The following DOCK4 variants were observed in gnomAD, a reference collection of about 807,000 sequenced individuals.
DOCK4 encodes dedicator of cytokinesis 4.
A neutral mutation model predicts 268.1 loss-of-function variants in DOCK4; 97 were observed. The observed-to-expected ratio is 0.36, with a 90% CI of 0.31 to 0.43. The LOEUF is 0.43. DOCK4 is among the 20% of genes least tolerant of loss of function. The pLI, the probability that DOCK4 is intolerant of heterozygous loss-of-function variation, is 1.00. For synonymous variants in DOCK4, 954 were observed against 887.2 expected (o/e 1.08, Z -1.34); for missense variants, 2,145 against 2,455.7 (o/e 0.87, Z 2.67).
At chr7:111,788,998 C>A in intron 31 of DOCK4, 2 of 524,578 alleles carry the variant, frequency 3.8e-6, no homozygotes, top group Non-Finnish European at 6.9e-6. Flanking sequence ...TTTGTTGATT[C>A]AAACACAAAT....
intron 13 of DOCK4, among the ~76,000 whole-genome samples, chr7:111,913,470 C>T (rs1473671552): frequency 1.8e-4 from 26 of 146,892 alleles, no homozygotes; most frequent in Non-Finnish European, 3.7e-4. Context: ...AGTGCAGTGG[C>T]GCGATCTCCG....
intron 23 of DOCK4, among the ~76,000 whole-genome samples, chr7:111,849,406 G>A (rs183055354): frequency 6.6e-6 from 1 of 151,978 alleles, no homozygotes; most frequent in African/African-American, 2.4e-5. Flanking sequence ...GGGACTACAT[G>A]CACGTGCCAT....
chr7:111,900,093 G>A (rs1586309766), intron 15 of DOCK4, among the ~76,000 whole-genome samples: 1 of 152,142 alleles, frequency 6.6e-6, no homozygotes, highest in East Asian at 1.9e-4. Flanking sequence ...CTTTCCCAGT[G>A]GCTTCACATG....
chr7:111,788,705 C>T lies in DOCK4; in HGVS notation c.3358G>A (p.Glu1120Lys), dbSNP rs1799339086. 3 of 1,594,218 alleles carry T rather than the reference C, an allele frequency of 1.9e-6. No homozygotes were observed. Among genetic ancestry groups the T allele is most frequent in the South Asian group, 1.1e-5 (1 of 87,782 alleles). ...CGGTATGTTTCGTCACCTTTGCCTT[C>T]TGACATCAGGCTATCCAGTTTGTCA... is the stretch of plus-strand genomic sequence containing the variant. Reference protein sequence around the residue: ...LIDKLDSLMSEGKGDETYREL... With the variant: ...LIDKLDSLMSKGKGDETYREL... Residue 1120 changes from glutamate to lysine, a missense_variant, in exon 32 of 53, where the codon GAA becomes AAA. Glu to Lys is a moderately conservative substitution (Grantham distance 56, BLOSUM62 1). Coordinates refer to ENST00000428084, the MANE Select transcript of DOCK4 (RefSeq NM_001363540.2).
intron 52 of DOCK4, among the ~76,000 whole-genome samples, chr7:111,730,573 T>C (rs1290308889): frequency 6.6e-6 from 1 of 152,036 alleles, no homozygotes; most frequent in East Asian, 1.9e-4. Context: ...AAATTCAAAA[T>C]ATGGCAGGTC....
chr7:111,746,272 C>G, intron 44 of DOCK4, 62 bp downstream of exon 44: 1 of 1,365,432 alleles, frequency 7.3e-7, no homozygotes, highest in Non-Finnish European at 1.0e-6. Flanking sequence ...GCAGAGGGGG[C>G]TCTAGGTAAG....
intron 8 of DOCK4, among the ~76,000 whole-genome samples, chr7:111,964,818 A>G (rs1447015053): frequency 1.0e-5 from 1 of 96,918 alleles, no homozygotes; most frequent in Non-Finnish European, 1.9e-5. Flanking sequence ...AGGTCGGGTT[A>G]CCCTCAAAGG....
chr7:111,993,245 G>A (rs976744092), intron 5 of DOCK4, among the ~76,000 whole-genome samples: 1 of 152,142 alleles, frequency 6.6e-6, no homozygotes, highest in African/African-American at 2.4e-5. Context: ...TTCCTCGACA[G>A]GCTGTTTTAA....
chr7:112,115,524 C>T (rs529736642), intron 1 of DOCK4, among the ~76,000 whole-genome samples: 30 of 152,296 alleles, frequency 2.0e-4, no homozygotes, highest in African/African-American at 4.8e-4. Context: ...GCTTCAGACT[C>T]CTTGGAGGTA....
intron 43 of DOCK4, among the ~76,000 whole-genome samples, chr7:111,746,943 C>T (rs1259383650): frequency 1.3e-5 from 2 of 149,974 alleles, no homozygotes; most frequent in Non-Finnish European, 3.0e-5. Flanking sequence ...TCAGACTTTT[C>T]TATGCCCATG....
intron 1 of DOCK4, among the ~76,000 whole-genome samples, chr7:112,110,342 T>G (rs1026808562): frequency 2.6e-5 from 4 of 152,224 alleles, no homozygotes; most frequent in Admixed American, 6.5e-5. Context: ...ACCTTTCACA[T>G]TCATCACTCT....
In DOCK4 at chr7:112,050,296, C is replaced by T. The variant is rs1001482191; in HGVS notation, c.38-46165G>A. 3.3e-5 allele frequency among the ~76,000 whole-genome samples: 5 copies of T among 152,198 alleles called. No individual in the cohort carries two copies. In the South Asian group the frequency reaches 8.3e-4, roughly 25 times the overall value. ...AAGGGAGGTCTCCAACTGAGATAAA[C>T]GTTTCCCTGGACTATGGAGGAGGCT... On this transcript the variant is annotated intron_variant, in intron 1 of 52. Coordinates refer to ENST00000428084, the MANE Select transcript of DOCK4 (RefSeq NM_001363540.2).
At chr7:112,165,193 GAGCACAGTAC>G (rs936654317) in intron 1 of DOCK4, among the ~76,000 whole-genome samples, 27 of 152,240 alleles carry the variant, frequency 1.8e-4, no homozygotes, top group African/African-American at 6.3e-4. Context: ...CCCGTCACCA[GAGCACAGTAC>G]AGTTTTGTGA....
intron 1 of DOCK4, among the ~76,000 whole-genome samples, chr7:112,084,669 T>C (rs1413275875): frequency 6.6e-6 from 1 of 152,080 alleles, no homozygotes; most frequent in African/African-American, 2.4e-5. Context: ...TTTCAAGACA[T>C]GCATAATGAA....
At chr7:112,000,250 T>C (rs1364726378) in intron 3 of DOCK4, among the ~76,000 whole-genome samples, 1 of 152,188 alleles carries the variant, frequency 6.6e-6, no homozygotes. Flanking sequence ...ATTTTGTTTA[T>C]ATATAATGAG....
chr7:112,104,154 A>C (rs2135826731), intron 1 of DOCK4, among the ~76,000 whole-genome samples: 1 of 152,292 alleles, frequency 6.6e-6, no homozygotes, highest in Non-Finnish European at 1.5e-5. Context: ...CTTTTTGCAG[A>C]GAAATTCATT....
chr7:111,901,332 CAAAAAAAA>C (rs398047987), intron 14 of DOCK4, among the ~76,000 whole-genome samples: 1 of 75,242 alleles, frequency 1.3e-5, no homozygotes, highest in Non-Finnish European at 2.6e-5. Context: ...GATTCTGTCT[CAAAAAAAA>C]AAAAAAAAAA....
At chr7:112,140,695 GA>G (rs1814832792) in intron 1 of DOCK4, among the ~76,000 whole-genome samples, 1 of 149,508 alleles carries the variant, frequency 6.7e-6, no homozygotes, top group South Asian at 2.1e-4. Context: ...ATACACGGAA[GA>G]ATTTTTTTTC....
chr7:112,179,149 G>A (rs1818792234), intron 1 of DOCK4, among the ~76,000 whole-genome samples: 2 of 152,196 alleles, frequency 1.3e-5, no homozygotes, highest in Admixed American at 6.5e-5. Flanking sequence ...CACTTTAGAA[G>A]GCTGAGGCAG....
Sources: gnomAD v4.1 joint callset for allele counts (sites outside exome capture counted in the v4.1 genomes callset) on GRCh38, gnomAD v4.1.1 for gene constraint, MANE v1.5 for transcripts, NCBI Gene and HGNC (gene_info 2026-07-23, HGNC 2026-07-21) for gene names.